SIPA1L1: variants seen among roughly 807,000 people sequenced by gnomAD.
SIPA1L1 encodes signal induced proliferation associated 1 like 1.
SIPA1L1 carries 26 observed loss-of-function variants against 162.7 expected under a neutral mutation model. That is an observed-to-expected ratio of 0.16 (90% confidence interval 0.12 to 0.22). The LOEUF is 0.22. Ranked by LOEUF, SIPA1L1 falls within the 10% of genes least tolerant of loss-of-function variation. The pLI, the probability that SIPA1L1 is intolerant of heterozygous loss-of-function variation, is 1.00. For missense variants in SIPA1L1, 1,874 were observed against 2,241.0 expected, an observed-to-expected ratio of 0.84 and a Z score of 3.31; for synonymous variants, 829 against 837.4, an observed-to-expected ratio of 0.99 and a Z score of 0.17.
intron 2 of SIPA1L1, among the ~76,000 whole-genome samples, chr14:71,445,398 GTTTC>G (rs2045264122): frequency 6.6e-6 from 1 of 151,360 alleles, no homozygotes; most frequent in African/African-American, 2.4e-5. Context: ...ACTGATCACT[GTTTC>G]TTTCTCGGGA....
intron 22 of SIPA1L1, 40 bp from the exon 23 acceptor site, chr14:71,738,201 G>A (rs1187472338): frequency 9.0e-7 from 1 of 1,105,576 alleles, no homozygotes. Context: ...CCCAGCCATG[G>A]AGGCCCCTGC....
At chr14:71,386,246 C>G (rs1025276189) in intron 2 of SIPA1L1, among the ~76,000 whole-genome samples, 1 of 152,170 alleles carries the variant, frequency 6.6e-6, no homozygotes, top group Non-Finnish European at 1.5e-5. Context: ...AGTCCCAAAG[C>G]TGAAGAACTT....
chr14:71,375,793 G>C (rs1274250462), intron 2 of SIPA1L1, among the ~76,000 whole-genome samples: 1 of 152,028 alleles, frequency 6.6e-6, no homozygotes, highest in East Asian at 1.9e-4. Context: ...ATTGGATTTT[G>C]TCAAATACCT....
In SIPA1L1 at chr14:71,340,006, G is replaced by A. The variant is rs150390173; in HGVS notation, c.-465+18825G>A. ...ACCAGAGTAATTGCAGTCATATTTT[G>A]GCTGTGTGCATAAAGCATATTTTGT... On this transcript the variant is annotated intron_variant, in intron 2 of 23. Coordinates refer to ENST00000381232, the MANE Select transcript of SIPA1L1 (RefSeq NM_001386936.1). Among the ~76,000 whole-genome samples, 171 of 152,222 alleles carry A rather than the reference G, an allele frequency of 1.1e-3. 1 individual carries two copies. The highest frequency in any genetic ancestry group is 0.01 in the Admixed American group (157 of 15,288).
intron 2 of SIPA1L1, among the ~76,000 whole-genome samples, chr14:71,479,773 G>A (rs549194408): frequency 2.0e-5 from 3 of 152,114 alleles, no homozygotes; most frequent in African/African-American, 7.2e-5. Flanking sequence ...TGTCACCCAC[G>A]CAGGAGTGCC....
At chr14:71,721,945 C>G (rs912192451) in intron 17 of SIPA1L1, among the ~76,000 whole-genome samples, 6 of 152,252 alleles carry the variant, frequency 3.9e-5, no homozygotes, top group Admixed American at 6.5e-5. Context: ...TCCTCCCACT[C>G]TGGCTGAGAA....
At chr14:71,698,156 G>A (rs2081798028) in intron 13 of SIPA1L1, among the ~76,000 whole-genome samples, 1 of 152,186 alleles carries the variant, frequency 6.6e-6, no homozygotes, top group Non-Finnish European at 1.5e-5. Flanking sequence ...TCGTTACTAA[G>A]GGTTAGCTTA....
At chr14:71,723,032 A>C (rs969896351) in intron 17 of SIPA1L1, among the ~76,000 whole-genome samples, 2 of 152,348 alleles carry the variant, frequency 1.3e-5, no homozygotes, top group Admixed American at 6.5e-5. Flanking sequence ...CACCCCGCCC[A>C]GCCCTAGTTT....
intron 9 of SIPA1L1, among the ~76,000 whole-genome samples, 184 bp from the exon 10 acceptor site, chr14:71,661,126 G>A (rs777316148): frequency 2.6e-5 from 4 of 152,120 alleles, no homozygotes; most frequent in Non-Finnish European, 2.9e-5. Context: ...CAGAATGTTC[G>A]TTTCTATGTT....
At chr14:71,502,324 C>T (rs898633146) in intron 2 of SIPA1L1, among the ~76,000 whole-genome samples, 26 of 147,434 alleles carry the variant, frequency 1.8e-4, no homozygotes, top group South Asian at 6.4e-4. Flanking sequence ...GTGTAACCTC[C>T]GCCTCCAGGG....
intron 2 of SIPA1L1, among the ~76,000 whole-genome samples, chr14:71,376,362 G>A (rs1465895908): frequency 1.3e-5 from 2 of 149,668 alleles, no homozygotes; most frequent in Non-Finnish European, 3.0e-5. Context: ...TTTTTTTCTA[G>A]TAGGCATGTT....
At chr14:71,727,163 G>A (rs1418886667) in intron 19 of SIPA1L1, among the ~76,000 whole-genome samples, 1 of 152,030 alleles carries the variant, frequency 6.6e-6, no homozygotes, top group African/African-American at 2.4e-5. Flanking sequence ...TTCCCCAAGG[G>A]TGGCATACAG....
chr14:71,473,427 C>A (rs946689354), intron 2 of SIPA1L1, among the ~76,000 whole-genome samples: 2 of 152,118 alleles, frequency 1.3e-5, no homozygotes, highest in African/African-American at 2.4e-5. Context: ...GAAATAGTTT[C>A]AGAAAGGTTT....
chr14:71,617,074 A>T (rs2038923620), intron 5 of SIPA1L1, among the ~76,000 whole-genome samples: 1 of 152,296 alleles, frequency 6.6e-6, no homozygotes, highest in East Asian at 1.9e-4. Flanking sequence ...CTCTGAGGGT[A>T]TCAAAGCATG....
At chr14:71,470,404 G>A (rs1317941363) in intron 2 of SIPA1L1, among the ~76,000 whole-genome samples, 6 of 152,208 alleles carry the variant, frequency 3.9e-5, no homozygotes, top group Non-Finnish European at 7.3e-5. Context: ...CACTTCAGCA[G>A]CGCCCAAACT....
At chr14:71,621,646 A>T (rs962972376) in intron 6 of SIPA1L1, among the ~76,000 whole-genome samples, 1 of 151,978 alleles carries the variant, frequency 6.6e-6, no homozygotes. Flanking sequence ...TCTCTGTTAT[A>T]CTTAGTCATT....
intron 7 of SIPA1L1, among the ~76,000 whole-genome samples, chr14:71,645,486 A>T (rs2042077405): frequency 6.6e-6 from 1 of 152,252 alleles, no homozygotes; most frequent in South Asian, 2.1e-4. Context: ...GAAAGCTATC[A>T]TAAAGCACTT....
rs1250756210 is a variant in SIPA1L1 at position 71,588,257 on chromosome 14, T to G, written c.385T>G (p.Ser129Ala). The stretch of plus-strand genomic sequence containing the variant: ...TTCTGTTAGCCTCAATTCCAATGAC[T>G]CAGCCATGCTGAAAAGCATACAGAA... ...GSSVSLNSND[S>A]AMLKSIQNTL... Residue 129 changes from serine (S) to alanine (A), a missense_variant, in exon 5 of 24, where the codon TCA becomes GCA. Physicochemically the swap from Ser to Ala is moderately conservative, Grantham distance 99 (BLOSUM62 1). Around this residue, in one of 5 missense-constraint regions of SIPA1L1, gnomAD observed 685 missense variants for 828.0 expected, o/e 0.83. Transcript: ENST00000381232. The surrounding 1 kb of genome is among the most constrained non-coding windows in gnomAD (Gnocchi z 4.3). The G allele has an allele frequency of 6.2e-7, 1 of 1,614,102 alleles. No homozygotes were observed.
intron 19 of SIPA1L1, 64 bp from the exon 20 acceptor site, chr14:71,729,990 CA>C: frequency 6.4e-7 from 1 of 1,563,756 alleles, no homozygotes. Context: ...CACCCTCCCC[CA>C]ACCTTGGTCT....
Sources: allele counts gnomAD v4.1 joint callset (sites outside exome capture counted in the v4.1 genomes callset), GRCh38; gene constraint gnomAD v4.1.1; regional missense constraint gnomAD v4.1.1; non-coding constraint Gnocchi (gnomAD v3.1); transcripts MANE v1.5; gene names NCBI Gene and HGNC (gene_info 2026-07-23, HGNC 2026-07-21).